The following ENTPD1 variants were observed in gnomAD, a reference collection of about 807,000 sequenced individuals.
The protein encoded by ENTPD1 is ATP diphosphohydrolase.
In ENTPD1, 33 loss-of-function variants were observed where a neutral mutation model predicts 57.0. That is an observed-to-expected ratio of 0.58 (90% confidence interval 0.44 to 0.77). The LOEUF is 0.77. ENTPD1 is among the 30% of genes least tolerant of loss of function. ENTPD1 has a pLI of 0.00. For missense variants in ENTPD1, 501 were observed against 603.4 expected, an observed-to-expected ratio of 0.83 and a Z score of 1.78; for synonymous variants, 202 against 218.8, an observed-to-expected ratio of 0.92 and a Z score of 0.68.
upstream of ENTPD1, among the ~76,000 whole-genome samples, chr10:95,752,855 A>G (rs116772435): frequency 0.017 from 2,655 of 152,216 alleles, 81 homozygotes; most frequent in African/African-American, 0.06. Flanking sequence ...TTAACAGTAT[A>G]CTTAAGTATT....
Position 95,866,075 on chromosome 10 carries a change from A to ATTGT in ENTPD1, c.1327-98_1327-95dup, listed in dbSNP as rs2098473944. ...CCACTGTGCCCAGCCAGTGATTTAT[A>ATTGT]TTGTTTGAACTCTTCCAATGCATGA... On this transcript the variant is annotated intron_variant, in intron 9 of 9. Transcript: ENST00000371205. 4 of 1,475,254 alleles carry ATTGT rather than the reference A, an allele frequency of 2.7e-6. No homozygotes were observed. The African/African-American group carries it at 4.2e-5, about 15-fold the overall frequency. The allele number at this position is 1,475,254 out of a possible 1,614,324, so 91.4% of individuals were successfully genotyped here.
intron 3 of ENTPD1, among the ~76,000 whole-genome samples, chr10:95,841,508 C>G (rs2098422642): frequency 6.6e-6 from 1 of 152,166 alleles, no homozygotes; most frequent in Non-Finnish European, 1.5e-5. Context: ...TATTTAACAC[C>G]AAATTTTCTG....
At chr10:95,803,849 G>A (rs1029698208) in intron 1 of ENTPD1, among the ~76,000 whole-genome samples, 13 of 152,316 alleles carry the variant, frequency 8.5e-5, no homozygotes, top group African/African-American at 3.1e-4. Flanking sequence ...TAACATTTAA[G>A]TCTTTAATCC....
intron 1 of ENTPD1, among the ~76,000 whole-genome samples, chr10:95,800,082 G>A (rs939783279): frequency 1.3e-5 from 2 of 152,154 alleles, no homozygotes; most frequent in Admixed American, 1.3e-4. Flanking sequence ...TAGGTTGTCT[G>A]CTTACTCTGT....
chr10:95,854,718 T>G (rs2098451461), intron 7 of ENTPD1, among the ~76,000 whole-genome samples: 1 of 152,238 alleles, frequency 6.6e-6, no homozygotes, highest in African/African-American at 2.4e-5. Context: ...AGCAGGTTGT[T>G]CAGTTTCCAT....
chr10:95,841,653 A>G (rs2098422865), intron 3 of ENTPD1, among the ~76,000 whole-genome samples: 1 of 152,252 alleles, frequency 6.6e-6, no homozygotes, highest in South Asian at 2.1e-4. Flanking sequence ...AAGCACTGAT[A>G]GTGTAGATAT....
rs2098474169 is a variant in ENTPD1, at chr10:95,866,162, C to T, written c.1327-15C>T. On this transcript the variant is annotated splice_polypyrimidine_tract_variant and intron_variant, in intron 9 of 9. Coordinates refer to ENST00000371205, the MANE Select transcript of ENTPD1 (RefSeq NM_001776.6). Reference sequence around the variant, plus strand: ...ACTCCTCCAACCACAAACAGACTTTCCCCACTGTTTGCAGATCCAGGGCAG... The same window carrying T: ...ACTCCTCCAACCACAAACAGACTTTTCCCACTGTTTGCAGATCCAGGGCAG... 1.2e-6 allele frequency: 2 copies of T among 1,609,934 alleles called. No individual in the cohort carries two copies. Among genetic ancestry groups the T allele is most frequent in the Non-Finnish European group, 1.7e-6 (2 of 1,177,864 alleles).
At chr10:95,865,447 T>G (rs112632747) in intron 9 of ENTPD1, among the ~76,000 whole-genome samples, 13 of 152,334 alleles carry the variant, frequency 8.5e-5, no homozygotes, top group Non-Finnish European at 1.2e-4. Flanking sequence ...GAGCGACTCA[T>G]GCTTGACCAA....
At chr10:95,748,258 A>G (rs2098008197) in intron 1 of ENTPD1, among the ~76,000 whole-genome samples, 1 of 152,212 alleles carries the variant, frequency 6.6e-6, no homozygotes, top group Non-Finnish European at 1.5e-5. Flanking sequence ...CATTATTTTT[A>G]ACTACCCAAG....
intron 9 of ENTPD1, among the ~76,000 whole-genome samples, chr10:95,865,932 T>TA (rs2098473592): frequency 6.6e-6 from 1 of 152,138 alleles, no homozygotes; most frequent in South Asian, 2.1e-4. Context: ...CGTGCCCAGC[T>TA]AATTTTATTT....
chr10:95,818,226 C>T (rs1343189906), intron 1 of ENTPD1, among the ~76,000 whole-genome samples: 2 of 152,168 alleles, frequency 1.3e-5, no homozygotes, highest in Non-Finnish European at 2.9e-5. Context: ...TTCATTCATA[C>T]AACATGGGAT....
the ENTPD1 span, among the ~76,000 whole-genome samples, chr10:95,704,782 T>G: frequency 6.6e-6 from 1 of 152,052 alleles, no homozygotes; most frequent in African/African-American, 2.4e-5. Flanking sequence ...TAATTGTGTC[T>G]TGTTAACATT....
Position 95,778,094 on chromosome 10 carries a change from C to T in ENTPD1, c.16+21839C>T, listed in dbSNP as rs527447988. Among the ~76,000 whole-genome samples, 21 of 152,338 alleles carry T rather than the reference C, an allele frequency of 1.4e-4. No individual in the cohort carries two copies. In the South Asian group the frequency reaches 2.9e-3, roughly 21 times the overall value. On this transcript the variant is annotated intron_variant, in intron 1 of 9. Coordinates refer to ENST00000371205, the MANE Select transcript of ENTPD1 (RefSeq NM_001776.6). Reference sequence around the variant, plus strand: ...GAAAGGGAAATCCCCTGATCCCTTGCGCTTTCCAGGTGAGGTGATGTCCCG... The same window carrying T: ...GAAAGGGAAATCCCCTGATCCCTTGTGCTTTCCAGGTGAGGTGATGTCCCG...
chr10:95,730,266 G>C lies in ENTPD1; in HGVS notation c.37+18273G>C, dbSNP rs147503676. The stretch of plus-strand genomic sequence containing the variant: ...GACAAGGTCCCGCCATGTTGCCCAG[G>C]CTGTTCTCAAACTCCTGAGCTCAAG... On this transcript the variant is annotated intron_variant, in intron 1 of 9. Transcript: ENST00000453258. Among the ~76,000 whole-genome samples the C allele has an allele frequency of 3.3e-4, 50 of 151,936 alleles. No individual in the cohort carries two copies. In the East Asian group the frequency reaches 7.7e-3, roughly 23 times the overall value.
intron 1 of ENTPD1, among the ~76,000 whole-genome samples, chr10:95,768,062 C>G (rs1174420954): frequency 6.6e-6 from 1 of 152,264 alleles, no homozygotes; most frequent in Non-Finnish European, 1.5e-5. Flanking sequence ...GCCCCTTGAT[C>G]TGGAACTTCC....
Position 95,832,253 on chromosome 10 carries a change from C to T in ENTPD1, c.145-7438C>T, listed in dbSNP as rs139961910. 2.0e-5 allele frequency among the ~76,000 whole-genome samples: 3 copies of T among 152,290 alleles called. No homozygotes were observed. In the East Asian group the frequency reaches 5.8e-4, roughly 29 times the overall value. On this transcript the variant is annotated intron_variant, in intron 2 of 9. Transcript: ENST00000371205. The stretch of plus-strand genomic sequence containing the variant: ...GTTCTCTAGAGATCCTAGTTCCCCA[C>T]TCTTACCCTCAGAGCCTTCTCAGTT...
rs886416085 is a variant in ENTPD1, at chr10:95,872,287, T to G, written c.*5904T>G. The G allele has an allele frequency of 5.6e-5, 55 of 985,268 alleles. No homozygotes were observed. Among genetic ancestry groups the G allele is most frequent in the Non-Finnish European group, 6.6e-5 (55 of 829,926 alleles). 61.0% of individuals were successfully genotyped at this position (985,268 alleles called of 1,614,324 possible). The stretch of plus-strand genomic sequence containing the variant: ...CATTGCCTACAAAATAAAGTCAACC[T>G]CCCCATCAGACATTCAAGGCTTTCA... On this transcript the variant is annotated 3_prime_UTR_variant, in exon 10 of 10. Coordinates refer to ENST00000371205, the MANE Select transcript of ENTPD1 (RefSeq NM_001776.6).
intron 2 of ENTPD1, among the ~76,000 whole-genome samples, chr10:95,837,260 T>C (rs1369059102): frequency 6.6e-6 from 1 of 152,188 alleles, no homozygotes; most frequent in East Asian, 1.9e-4. Context: ...ACCTCACCAG[T>C]TTCTGTCGTA....
intron 6 of ENTPD1, among the ~76,000 whole-genome samples, chr10:95,846,669 C>T (rs2098436287): frequency 6.6e-6 from 1 of 152,142 alleles, no homozygotes; most frequent in Non-Finnish European, 1.5e-5. Flanking sequence ...CTCCTTTCTT[C>T]CCTAGTAGGT....
Sources: allele counts gnomAD v4.1 joint callset (sites outside exome capture counted in the v4.1 genomes callset), GRCh38; gene constraint gnomAD v4.1.1; transcripts MANE v1.5; gene names NCBI Gene and HGNC (gene_info 2026-07-23, HGNC 2026-07-21).